Variants in ST8SIA6 observed in about 807,000 individuals in gnomAD.
ST8SIA6 encodes alpha-2,8-sialyltransferase 8F.
A neutral mutation model predicts 33.6 loss-of-function variants in ST8SIA6; 39 were observed. The ratio of observed to expected loss-of-function variants is 1.16; its 90% CI spans 0.90 to 1.52. ST8SIA6 has a LOEUF of 1.52. Ranked by LOEUF, ST8SIA6 falls within the 40% of genes most tolerant of loss-of-function variation. The probability of loss-of-function intolerance (pLI) is 0.00; values close to 1 mark genes in which losing one functional copy is unlikely to be tolerated. For missense variants in ST8SIA6, 441 were observed against 443.8 expected, an observed-to-expected ratio of 0.99 and a Z score of 0.06; for synonymous variants, 172 against 167.2, an observed-to-expected ratio of 1.03 and a Z score of -0.22.
In ST8SIA6 at chr10:17,454,118, C is replaced by A. The variant is rs940393152; in HGVS notation, c.101+37G>T. 8 of 258,718 alleles carry A rather than the reference C, an allele frequency of 3.1e-5. No homozygotes were observed. The highest frequency in any genetic ancestry group is 1.6e-4 in the African/African-American group (7 of 44,102). 16.0% of individuals were successfully genotyped at this position (258,718 alleles called of 1,614,324 possible). A position where few individuals can be genotyped will look rare whatever the true frequency, so the allele number is the denominator to read the frequency against. ...GGGTCCGGGGGCGCCAGGCGGGGCG[C>A]GCGGCGCGGGGCGCGGCCGGCGGGT... is the stretch of plus-strand genomic sequence containing the variant. On this transcript the variant is annotated intron_variant, in intron 1 of 7. Transcript: ENST00000377602. The surrounding 1 kb of genome is among the most constrained non-coding windows in gnomAD (Gnocchi z 4.1).
chr10:17,362,117 T>C (rs1180674386), intron 3 of ST8SIA6, among the ~76,000 whole-genome samples: 1 of 152,146 alleles, frequency 6.6e-6, no homozygotes, highest in African/African-American at 2.4e-5. Context: ...TTGTCCACTT[T>C]CACCATCTCT....
chr10:17,329,960 G>C (rs1489952847), intron 5 of ST8SIA6, among the ~76,000 whole-genome samples: 1 of 152,188 alleles, frequency 6.6e-6, no homozygotes, highest in South Asian at 2.1e-4. Context: ...CCGTCTTCTT[G>C]TGTGCCCAGC....
chr10:17,429,021 G>T (rs1172729835), intron 2 of ST8SIA6, among the ~76,000 whole-genome samples: 1 of 151,968 alleles, frequency 6.6e-6, no homozygotes, highest in Non-Finnish European at 1.5e-5. Flanking sequence ...GATTCATGAT[G>T]ATATTAGTAG....
intron 3 of ST8SIA6, among the ~76,000 whole-genome samples, chr10:17,370,130 G>A (rs563457339): frequency 2.0e-5 from 3 of 151,964 alleles, no homozygotes; most frequent in African/African-American, 7.2e-5. Context: ...ACAGGCGCCC[G>A]CCACCACACC....
intron 7 of ST8SIA6, 137 bp from the exon 8 acceptor site, chr10:17,321,483 G>A: frequency 1.5e-6 from 1 of 656,616 alleles, no homozygotes; most frequent in East Asian, 2.8e-5. Context: ...ATAAAGTGTG[G>A]ACTCAGAGAA....
intron 2 of ST8SIA6, among the ~76,000 whole-genome samples, chr10:17,395,541 CA>C (rs895715146): frequency 1.7e-4 from 25 of 150,134 alleles, no homozygotes; most frequent in Middle Eastern, 3.4e-3. Flanking sequence ...AATTCTGAGA[CA>C]AAAAAAAAAT....
At position 17,320,668 on chromosome 10, in the gene ST8SIA6, G is replaced by GGT. The variant is rs1221765758; in HGVS notation, c.*209_*210insAC. ...AAATTATAAAAATTTGTATGAGTCAGATATGGTGTCCATGTTATAAGGAGA... is the reference window on the plus strand; with the variant it reads ...AAATTATAAAAATTTGTATGAGTCAGGTATATGGTGTCCATGTTATAAGGAGA... On this transcript the variant is annotated 3_prime_UTR_variant, in exon 8 of 8. Transcript: ENST00000377602. 369 of 438,438 alleles carry GGT rather than the reference G, an allele frequency of 8.4e-4. 4 individuals are homozygous for GGT. The African/African-American group carries it at 0.012, about 14-fold the overall frequency. The allele number at this position is 438,438 out of a possible 1,614,324, so 27.2% of individuals were successfully genotyped here. A position where few individuals can be genotyped will look rare whatever the true frequency, so the allele number is the denominator to read the frequency against.
At chr10:17,323,231 A>ACGCACACACACG in intron 6 of ST8SIA6, 74 bp from the exon 7 acceptor site, 2 of 228,880 alleles carry the variant, frequency 8.7e-6, no homozygotes, top group South Asian at 7.8e-5. Context: ...ATATGCGCGC[A>ACGCACACACACG]CACACACACA....
At chr10:17,333,684 T>C (rs1300131116) in intron 4 of ST8SIA6, among the ~76,000 whole-genome samples, 4 of 16,202 alleles carry the variant, frequency 2.5e-4, no homozygotes, top group Admixed American at 7.2e-4. Context: ...TATATATATA[T>C]ATATATATAT....
intron 5 of ST8SIA6, among the ~76,000 whole-genome samples, chr10:17,328,858 T>C (rs562317797): frequency 7.9e-5 from 12 of 152,280 alleles, no homozygotes; most frequent in Non-Finnish European, 1.5e-5. Flanking sequence ...CTGGTAAATA[T>C]TCAGGAATTT....
chr10:17,327,552 C>G (rs112444462), intron 5 of ST8SIA6, among the ~76,000 whole-genome samples: 2 of 152,094 alleles, frequency 1.3e-5, no homozygotes, highest in African/African-American at 2.4e-5. Flanking sequence ...CACCACTGCA[C>G]TCCAGCCTGG....
At chr10:17,345,501 G>A (rs1178256494) in intron 4 of ST8SIA6, among the ~76,000 whole-genome samples, 1 of 152,192 alleles carries the variant, frequency 6.6e-6, no homozygotes, top group African/African-American at 2.4e-5. Flanking sequence ...GCCAGGTGAG[G>A]CAGGAGAAGG....
intron 2 of ST8SIA6, among the ~76,000 whole-genome samples, chr10:17,421,784 C>T (rs1280616792): frequency 6.6e-6 from 1 of 152,108 alleles, no homozygotes; most frequent in East Asian, 1.9e-4. Flanking sequence ...CCAGGCTGGT[C>T]TCAAACTCCT....
chr10:17,332,680 G>A (rs953033690), intron 4 of ST8SIA6, among the ~76,000 whole-genome samples: 23 of 151,936 alleles, frequency 1.5e-4, no homozygotes, highest in African/African-American at 5.6e-4. Context: ...GGCTGGTCTC[G>A]AACTCCTGAC....
rs566106508 is a variant in ST8SIA6 at position 17,355,404 on chromosome 10, T to A, written c.377+4110A>T. Among the ~76,000 whole-genome samples the A allele has an allele frequency of 2.6e-5, 4 of 152,356 alleles. No homozygotes were observed. The South Asian group carries it at 8.3e-4, about 32-fold the overall frequency. ...TGGAAGTCAACAAGTAACCAAGTCC[T>A]ACCAAGTCTTCAGTCATAGAGCAAT... On this transcript the variant is annotated intron_variant, in intron 4 of 7. Transcript: ENST00000377602.
At chr10:17,381,683 T>C (rs557061701) in intron 3 of ST8SIA6, among the ~76,000 whole-genome samples, 12 of 152,364 alleles carry the variant, frequency 7.9e-5, no homozygotes, top group Middle Eastern at 6.8e-3. Context: ...CCAAATACTA[T>C]GAGGTGTCAA....
chr10:17,429,814 C>T (rs1462507412), intron 2 of ST8SIA6, among the ~76,000 whole-genome samples: 4 of 152,132 alleles, frequency 2.6e-5, no homozygotes, highest in Non-Finnish European at 4.4e-5. Context: ...TTGTACTTCA[C>T]GTTTTACCAT....
In ST8SIA6 at chr10:17,414,910, A is replaced by C. The variant is rs534046448; in HGVS notation, c.201-24290T>G. ...TCATCTTACCATATGTTACAACAGAAAAAAATGTCCCTGCTCTCATCAAAA... is the reference window on the plus strand; with the variant it reads ...TCATCTTACCATATGTTACAACAGACAAAAATGTCCCTGCTCTCATCAAAA... On this transcript the variant is annotated intron_variant, in intron 2 of 7. Transcript: ENST00000377602. 2.6e-5 allele frequency among the ~76,000 whole-genome samples: 4 copies of C among 152,276 alleles called. No individual in the cohort carries two copies. The East Asian group carries it at 7.7e-4, about 29-fold the overall frequency.
intron 2 of ST8SIA6, among the ~76,000 whole-genome samples, chr10:17,436,435 A>T (rs1455392170): frequency 1.3e-5 from 2 of 151,970 alleles, no homozygotes; most frequent in Non-Finnish European, 2.9e-5. Context: ...GGTTTGTTAC[A>T]TATGTATACA....
Sources: gnomAD v4.1 joint callset for allele counts (sites outside exome capture counted in the v4.1 genomes callset) on GRCh38, gnomAD v4.1.1 for gene constraint, Gnocchi (gnomAD v3.1) non-coding constraint, MANE v1.5 for transcripts, NCBI Gene and HGNC (gene_info 2026-07-23, HGNC 2026-07-21) for gene names.